GMDS: variants seen among roughly 807,000 people sequenced by gnomAD.
The protein encoded by GMDS is GDP-mannose 4,6-dehydratase, also known as GDP-mannose 4,6 dehydratase.
In GMDS, 20 loss-of-function variants were observed where a neutral mutation model predicts 49.9. The observed-to-expected ratio is 0.40, with a 90% confidence interval of 0.28 to 0.58. The LOEUF is 0.58. Among genes scored for constraint, GMDS ranks in the 20% least tolerant of loss-of-function variants. The pLI is 0.42. For synonymous variants in GMDS, 177 were observed against 178.6 expected (o/e 0.99, Z 0.07); for missense variants, 362 against 481.4 (o/e 0.75, Z 2.32).
chr6:2,113,653 A>G (rs998666081), intron 4 of GMDS, among the ~76,000 whole-genome samples: 1 of 151,994 alleles, frequency 6.6e-6, no homozygotes, highest in African/African-American at 2.4e-5. Flanking sequence ...TCCGCCTCGC[A>G]CTATCCATCT....
chr6:2,178,245 A>G (rs563952650), intron 1 of GMDS, among the ~76,000 whole-genome samples: 2 of 152,312 alleles, frequency 1.3e-5, no homozygotes, highest in South Asian at 2.1e-4. Context: ...CTTATAAAGA[A>G]AAGATGTTTA....
intron 7 of GMDS, among the ~76,000 whole-genome samples, chr6:1,794,506 T>C (rs1451815377): frequency 1.3e-5 from 2 of 152,218 alleles, no homozygotes; most frequent in Non-Finnish European, 2.9e-5. Context: ...AGGGACAGAA[T>C]CTGAGGTCAA....
chr6:1,761,701 G>T (rs1173259178), intron 7 of GMDS, among the ~76,000 whole-genome samples: 1 of 152,096 alleles, frequency 6.6e-6, no homozygotes, highest in Non-Finnish European at 1.5e-5. Context: ...TTTAATACAT[G>T]AAAGTATTTG....
At chr6:2,113,155 T>A (rs995704333) in intron 4 of GMDS, among the ~76,000 whole-genome samples, 6 of 152,156 alleles carry the variant, frequency 3.9e-5, no homozygotes, top group African/African-American at 1.4e-4. Flanking sequence ...CCTCCTTGAA[T>A]GTCGGTTTCT....
intron 4 of GMDS, among the ~76,000 whole-genome samples, chr6:2,064,327 T>C (rs1771393188): frequency 6.6e-6 from 1 of 152,174 alleles, no homozygotes; most frequent in South Asian, 2.1e-4. Context: ...TAAAATTATT[T>C]TGGAAATCAG....
At chr6:1,822,962 A>C (rs533031450) in intron 7 of GMDS, among the ~76,000 whole-genome samples, 7 of 152,302 alleles carry the variant, frequency 4.6e-5, no homozygotes, top group Non-Finnish European at 1.0e-4. Flanking sequence ...AAAATCCTTC[A>C]ATCTAGTTAC....
chr6:2,016,181 C>T (rs1167016877), intron 4 of GMDS, among the ~76,000 whole-genome samples: 3 of 150,684 alleles, frequency 2.0e-5, no homozygotes, highest in African/African-American at 7.3e-5. Flanking sequence ...ACTGCTTGAG[C>T]CTGGGAAGTT....
intron 7 of GMDS, among the ~76,000 whole-genome samples, chr6:1,795,273 G>A (rs1769695322): frequency 6.6e-6 from 1 of 152,134 alleles, no homozygotes; most frequent in African/African-American, 2.4e-5. Flanking sequence ...TGCTACCAAA[G>A]ACTCTGAGGT....
intron 4 of GMDS, among the ~76,000 whole-genome samples, chr6:1,969,648 C>T (rs1764487806): frequency 6.6e-6 from 1 of 152,160 alleles, no homozygotes; most frequent in African/African-American, 2.4e-5. Flanking sequence ...GTTTGACTTC[C>T]TCCCATCTCA....
intron 9 of GMDS, among the ~76,000 whole-genome samples, chr6:1,705,014 C>A (rs11242718): frequency 0.51 from 78,023 of 152,022 alleles, 22,404 homozygotes; most frequent in South Asian, 0.65. Context: ...AAATTTCCCA[C>A]CTCAGTAACT....
chr6:1,908,559 A>T (rs1447394200), intron 7 of GMDS, among the ~76,000 whole-genome samples: 1 of 152,148 alleles, frequency 6.6e-6, no homozygotes, highest in Non-Finnish European at 1.5e-5. Context: ...CATAATTTTA[A>T]TTTCATCATT....
At chr6:1,739,921 A>G (rs1400485106) in intron 8 of GMDS, among the ~76,000 whole-genome samples, 1 of 152,218 alleles carries the variant, frequency 6.6e-6, no homozygotes, top group Admixed American at 6.5e-5. Flanking sequence ...ATATAGTACT[A>G]AACAGTTTCA....
chr6:1,683,525 G>A (rs1225821114), intron 9 of GMDS, among the ~76,000 whole-genome samples: 1 of 152,278 alleles, frequency 6.6e-6, no homozygotes, highest in East Asian at 1.9e-4. Flanking sequence ...ACATGTGAGA[G>A]GGCCAGGAAT....
At chr6:1,678,437 G>T (rs1420989735) in intron 9 of GMDS, among the ~76,000 whole-genome samples, 1 of 152,160 alleles carries the variant, frequency 6.6e-6, no homozygotes, top group Non-Finnish European at 1.5e-5. Context: ...TGGTTCCCTG[G>T]TGACCTTGAT....
intron 4 of GMDS, among the ~76,000 whole-genome samples, chr6:2,036,213 T>C (rs186493389): frequency 6.6e-6 from 1 of 152,358 alleles, no homozygotes; most frequent in Admixed American, 6.5e-5. Flanking sequence ...CTTAATTAAA[T>C]GGTGAAATAA....
At chr6:1,675,710 G>A (rs369181441) in intron 9 of GMDS, among the ~76,000 whole-genome samples, 23 of 151,976 alleles carry the variant, frequency 1.5e-4, no homozygotes, top group African/African-American at 4.1e-4. Flanking sequence ...AAAATTAGCC[G>A]GGTGTGATGG....
chr6:2,203,429 T>A (rs1779642436), intron 1 of GMDS, among the ~76,000 whole-genome samples: 1 of 151,942 alleles, frequency 6.6e-6, no homozygotes. Flanking sequence ...CAGCTGAGAG[T>A]CTTGTATTAG....
chr6:2,162,927 C>A (rs1777478107), intron 1 of GMDS, among the ~76,000 whole-genome samples: 1 of 152,104 alleles, frequency 6.6e-6, no homozygotes, highest in Non-Finnish European at 1.5e-5. Flanking sequence ...TCCTTGTGGC[C>A]ATCCCTCTCA....
intron 7 of GMDS, among the ~76,000 whole-genome samples, chr6:1,838,308 C>T (rs1215215723): frequency 2.0e-5 from 3 of 152,206 alleles, no homozygotes; most frequent in South Asian, 4.1e-4. Flanking sequence ...AGATAGGGCT[C>T]TGAATTTAAA....
Sources: gnomAD v4.1 joint callset for allele counts (sites outside exome capture counted in the v4.1 genomes callset) on GRCh38, gnomAD v4.1.1 for gene constraint, MANE v1.5 for transcripts, NCBI Gene and HGNC (gene_info 2026-07-23, HGNC 2026-07-21) for gene names.